The following ALPK1 variants were observed in gnomAD, a reference collection of about 807,000 sequenced individuals.
The protein encoded by ALPK1 is alpha-protein kinase 1.
ALPK1 carries 110 observed loss-of-function variants against 120.6 expected under a neutral mutation model. That is an observed-to-expected ratio of 0.91 (90% CI 0.78 to 1.07). The LOEUF (loss-of-function observed/expected upper bound fraction) is 1.07, where lower values mean the gene tolerates loss of function less well. Among genes scored for constraint, ALPK1 ranks in the 50% least tolerant of loss-of-function variants. The pLI is 0.00. For synonymous variants in ALPK1, 582 were observed against 560.3 expected (o/e 1.04, Z -0.55); for missense variants, 1,498 against 1,483.9 (o/e 1.01, Z -0.16).
At chr4:112,357,691 T>C (rs1730705188) in intron 2 of ALPK1, 2 of 1,586,178 alleles carry the variant, frequency 1.3e-6, no homozygotes, top group African/African-American at 1.3e-5. Flanking sequence ...CGGAGCCCAG[T>C]TGAGCTCCGC....
intron 2 of ALPK1, among the ~76,000 whole-genome samples, chr4:112,320,960 G>T (rs1296388784): frequency 7.6e-5 from 11 of 145,608 alleles, no homozygotes; most frequent in African/African-American, 2.8e-4. Flanking sequence ...GCAGTGGCGC[G>T]AGCTTGGATC....
chr4:112,356,556 C>A (rs746144104), intron 2 of ALPK1: 1 of 817,872 alleles, frequency 1.2e-6, no homozygotes, highest in Non-Finnish European at 2.1e-6. Flanking sequence ...CTCCCGGGAG[C>A]AGCTGTGCAT....
intron 2 of ALPK1, among the ~76,000 whole-genome samples, chr4:112,361,959 T>C (rs536452636): frequency 3.3e-5 from 5 of 152,364 alleles, no homozygotes; most frequent in African/African-American, 1.2e-4. Context: ...CCAGTAGCTC[T>C]GCTGGGTGGC....
At chr4:112,302,250 G>T (rs1029015295) in intron 1 of ALPK1, 1 of 152,046 alleles carries the variant, frequency 6.6e-6, no homozygotes, top group Non-Finnish European at 1.5e-5. Context: ...AAGCACAATC[G>T]TAAGTGCTTA....
chr4:112,339,366 GC>G (rs1458193920), intron 2 of ALPK1, among the ~76,000 whole-genome samples: 1 of 152,100 alleles, frequency 6.6e-6, no homozygotes, highest in Non-Finnish European at 1.5e-5. Context: ...ACTATGTGGG[GC>G]TTTAAGTAAA....
chr4:112,336,264 G>C (rs146307250), intron 2 of ALPK1, among the ~76,000 whole-genome samples: 1 of 152,198 alleles, frequency 6.6e-6, no homozygotes, highest in South Asian at 2.1e-4. Flanking sequence ...ACACAGTGGA[G>C]ATAGGTGAGG....
At position 112,431,154 on chromosome 4, in the gene ALPK1, G is replaced by C; in HGVS notation, c.1607G>C (p.Arg536Thr). Residue 536 changes from arginine (R) to threonine (T), a missense_variant, in exon 11 of 16, where the codon AGG (arginine) becomes ACG (threonine). By Grantham distance (71) the Arg-to-Thr change is moderately conservative. Coordinates refer to ENST00000650871, the MANE Select transcript of ALPK1 (RefSeq NM_025144.4). ...NVQRELRRGG[R>T]RNWTHSDAFR... Reference sequence around the variant, plus strand: ...CAGAGGGAACTCAGAAGGGGAGGAAGGAGAAACTGGACCCATTCTGATGCA... The same window carrying C: ...CAGAGGGAACTCAGAAGGGGAGGAACGAGAAACTGGACCCATTCTGATGCA... 1 of 1,614,174 alleles carries C rather than the reference G, an allele frequency of 6.2e-7. No individual in the cohort carries two copies. Among genetic ancestry groups the C allele is most frequent in the Non-Finnish European group, 8.5e-7 (1 of 1,180,042 alleles).
At chr4:112,413,012 C>G (rs1004265946) in intron 5 of ALPK1, among the ~76,000 whole-genome samples, 3 of 152,206 alleles carry the variant, frequency 2.0e-5, no homozygotes, top group Admixed American at 2.0e-4. Flanking sequence ...CAAGTTCTTG[C>G]AACTGTGCAT....
At chr4:112,308,155 A>C (rs1221456160) in intron 1 of ALPK1, among the ~76,000 whole-genome samples, 8 of 152,066 alleles carry the variant, frequency 5.3e-5, no homozygotes. Context: ...GGGTAACCCA[A>C]CCTTTCTCTC....
chr4:112,414,940 A>G (rs912293075), intron 5 of ALPK1: 2 of 152,280 alleles, frequency 1.3e-5, no homozygotes, highest in African/African-American at 4.8e-5. Flanking sequence ...ATGAGAGACA[A>G]TTGCCTTGTG....
intron 2 of ALPK1, among the ~76,000 whole-genome samples, chr4:112,350,410 C>G (rs1367876754): frequency 6.6e-6 from 1 of 152,190 alleles, no homozygotes; most frequent in Non-Finnish European, 1.5e-5. Context: ...GTACGTATCA[C>G]ACCAACATCG....
intron 5 of ALPK1, among the ~76,000 whole-genome samples, chr4:112,418,665 A>G (rs1003812737): frequency 3.3e-5 from 5 of 152,170 alleles, no homozygotes; most frequent in Non-Finnish European, 7.4e-5. Flanking sequence ...CAAAGGAGAA[A>G]TGTTTACCAG....
intron 4 of ALPK1, chr4:112,382,769 G>C (rs1731984304): frequency 5.1e-6 from 3 of 590,678 alleles, no homozygotes; most frequent in African/African-American, 3.7e-5. Context: ...TAAAAGTGAA[G>C]AGTGGTCAGT....
intron 2 of ALPK1, among the ~76,000 whole-genome samples, chr4:112,332,227 A>G (rs1335266993): frequency 1.3e-5 from 2 of 152,184 alleles, no homozygotes; most frequent in African/African-American, 4.8e-5. Flanking sequence ...TGGTTTATCA[A>G]TAAGGAGGAA....
At chr4:112,362,607 A>G (rs746188277) in intron 2 of ALPK1, among the ~76,000 whole-genome samples, 1 of 152,218 alleles carries the variant, frequency 6.6e-6, no homozygotes, top group Non-Finnish European at 1.5e-5. Flanking sequence ...CTAAACCTAC[A>G]AATAATTGGT....
chr4:112,344,492 A>G (rs1730020812), intron 2 of ALPK1, among the ~76,000 whole-genome samples: 1 of 152,236 alleles, frequency 6.6e-6, no homozygotes, highest in Admixed American at 6.5e-5. Context: ...TTGGAAGAAG[A>G]CATATGTGAT....
intron 2 of ALPK1, among the ~76,000 whole-genome samples, chr4:112,337,094 CT>C (rs1339843831): frequency 6.6e-6 from 1 of 151,808 alleles, no homozygotes; most frequent in South Asian, 2.1e-4. Flanking sequence ...GAAAAGAGTC[CT>C]TTTTTTATTA....
intron 2 of ALPK1, among the ~76,000 whole-genome samples, chr4:112,351,197 G>A (rs974270297): frequency 1.6e-4 from 24 of 152,096 alleles, no homozygotes; most frequent in Non-Finnish European, 3.2e-4. Flanking sequence ...AGGCCGGGAG[G>A]TAACCCATTC....
intron 2 of ALPK1, among the ~76,000 whole-genome samples, chr4:112,328,342 A>G (rs1472525908): frequency 6.6e-6 from 1 of 152,266 alleles, no homozygotes; most frequent in Non-Finnish European, 1.5e-5. Context: ...AAGAAGTATC[A>G]AATGGGGAAG....
Sources: allele counts gnomAD v4.1 joint callset (sites outside exome capture counted in the v4.1 genomes callset), GRCh38; gene constraint gnomAD v4.1.1; transcripts MANE v1.5; gene names NCBI Gene and HGNC (gene_info 2026-07-23, HGNC 2026-07-21).